Variants in VPS37A observed in about 807,000 individuals in gnomAD.
The protein encoded by VPS37A is vacuolar protein sorting-associated protein 37A.
Under a neutral mutation model 49.8 loss-of-function variants are expected in VPS37A, and 30 were observed. The ratio of observed to expected loss-of-function variants is 0.60; its 90% CI spans 0.45 to 0.82. VPS37A has a LOEUF of 0.82. Among genes scored for constraint, VPS37A ranks in the 40% least tolerant of loss-of-function variants. The pLI, the probability that VPS37A is intolerant of heterozygous loss-of-function variation, is 0.00. For synonymous variants in VPS37A, 195 were observed against 160.6 expected, an observed-to-expected ratio of 1.21 and a Z score of -1.62; for missense variants, 593 against 464.4, an observed-to-expected ratio of 1.28 and a Z score of -2.55.
the VPS37A span, among the ~76,000 whole-genome samples, chr8:17,329,964 A>G: frequency 1.4e-3 from 215 of 152,310 alleles, no homozygotes; most frequent in Middle Eastern, 0.014. Context: ...GATTTCTGCT[A>G]CAGAGGGGCA....
At chr8:17,303,582 CTCTCCCCAT>C (rs1414431819), downstream of VPS37A, among the ~76,000 whole-genome samples, 2 of 150,660 alleles carry the variant, frequency 1.3e-5, no homozygotes, top group African/African-American at 4.9e-5. Flanking sequence ...TGCCACCCTG[CTCTCCCCAT>C]TCTCCCCATA....
intron 11 of VPS37A, among the ~76,000 whole-genome samples, chr8:17,292,040 T>C (rs1816206068): frequency 6.6e-6 from 1 of 152,158 alleles, no homozygotes; most frequent in Admixed American, 6.5e-5. Flanking sequence ...TAATTTTCTG[T>C]CTCGTTGATC....
intron 3 of VPS37A, 66 bp from the exon 4 acceptor site, chr8:17,268,786 CATTA>C (rs1813710940): frequency 9.8e-7 from 1 of 1,021,518 alleles, no homozygotes; most frequent in South Asian, 1.4e-5. Flanking sequence ...TTTAGAGTGA[CATTA>C]TCCTAATGAG....
At chr8:17,249,349 C>A (rs775739352) in intron 1 of VPS37A, among the ~76,000 whole-genome samples, 1 of 152,098 alleles carries the variant, frequency 6.6e-6, no homozygotes, top group Non-Finnish European at 1.5e-5. Flanking sequence ...AGAAAGGATT[C>A]ATTTTATGTA....
the VPS37A span, among the ~76,000 whole-genome samples, chr8:17,329,402 T>C: frequency 4.6e-5 from 7 of 152,222 alleles, no homozygotes; most frequent in Non-Finnish European, 7.3e-5. Context: ...GCAAGCACCA[T>C]GTTCCCTTAT....
chr8:17,330,520 T>G, the VPS37A span, among the ~76,000 whole-genome samples: 3 of 152,274 alleles, frequency 2.0e-5, no homozygotes, highest in Admixed American at 1.3e-4. Flanking sequence ...GCAGAATTTC[T>G]GCTCATCAGC....
rs775663469 is a variant in VPS37A, at chr8:17,274,694, A to C, written c.417-39A>C. ...AGAAACAATTTGACATGTTTTATCC[A>C]TAAAATCTAATGTAATGATCTTCTC... is the stretch of plus-strand genomic sequence containing the variant. On this transcript the variant is annotated intron_variant, in intron 4 of 11. Transcript: ENST00000324849. 2.0e-6 allele frequency: 3 copies of C among 1,531,062 alleles called. No homozygotes were observed. In the Admixed American group the frequency reaches 5.2e-5, roughly 26 times the overall value. 94.8% of individuals were successfully genotyped at this position (1,531,062 alleles called of 1,614,324 possible).
intron 1 of VPS37A, among the ~76,000 whole-genome samples, chr8:17,249,439 G>T (rs778684272): frequency 8.5e-5 from 13 of 152,166 alleles, no homozygotes; most frequent in Non-Finnish European, 1.5e-4. Context: ...GTAGTGTTAT[G>T]AACAAATAAC....
chr8:17,287,634 C>T (rs1178939324), intron 11 of VPS37A, among the ~76,000 whole-genome samples: 3 of 151,846 alleles, frequency 2.0e-5, no homozygotes, highest in African/African-American at 4.8e-5. Flanking sequence ...GCCGAGATCA[C>T]GCCACTGCAC....
At chr8:17,310,639 A>G in the VPS37A span, among the ~76,000 whole-genome samples, 1 of 152,200 alleles carries the variant, frequency 6.6e-6, no homozygotes, top group Admixed American at 6.5e-5. Context: ...ATGCTATCAC[A>G]GGTAATTGGA....
chr8:17,319,019 T>C, the VPS37A span, among the ~76,000 whole-genome samples: 2 of 152,268 alleles, frequency 1.3e-5, no homozygotes, highest in Non-Finnish European at 2.9e-5. Context: ...CACATTAGCT[T>C]ACTCTGCCAT....
chr8:17,286,184 C>G (rs1377764095), intron 10 of VPS37A, among the ~76,000 whole-genome samples, 163 bp from the exon 11 acceptor site: 2 of 152,234 alleles, frequency 1.3e-5, no homozygotes, highest in Non-Finnish European at 2.9e-5. Flanking sequence ...AATGAATTTG[C>G]TCATAATTTG....
intron 1 of VPS37A, chr8:17,248,074 C>A (rs1208402531): frequency 2.5e-6 from 1 of 396,974 alleles, no homozygotes; most frequent in East Asian, 6.0e-5. Flanking sequence ...TTTTACAATT[C>A]ATATTATTTC....
At chr8:17,327,870 ACT>A in the VPS37A span, among the ~76,000 whole-genome samples, 33 of 152,258 alleles carry the variant, frequency 2.2e-4, no homozygotes, top group African/African-American at 3.9e-4. Context: ...CTTACTGTTT[ACT>A]CTTTTAAAAA....
intron 9 of VPS37A, 122 bp downstream of exon 9, chr8:17,280,565 A>G (rs906338771): frequency 1.2e-5 from 10 of 852,506 alleles, no homozygotes; most frequent in African/African-American, 1.7e-5. Context: ...CTTATAAGAC[A>G]TGATACCTTT....
intron 6 of VPS37A, chr8:17,279,689 C>T: frequency 2.4e-6 from 1 of 408,886 alleles, no homozygotes; most frequent in South Asian, 1.9e-5. Context: ...TTGTTCTTTA[C>T]CTGAGTTAAG....
the VPS37A span, among the ~76,000 whole-genome samples, chr8:17,315,640 G>C: frequency 7.2e-5 from 11 of 152,006 alleles, no homozygotes; most frequent in Admixed American, 7.2e-4. Context: ...AAAAGAAAAA[G>C]TCTTTAAAAA....
intron 4 of VPS37A, among the ~76,000 whole-genome samples, 186 bp from the exon 5 acceptor site, chr8:17,274,547 G>A (rs982201551): frequency 2.7e-5 from 4 of 147,060 alleles, no homozygotes; most frequent in Non-Finnish European, 6.0e-5. Context: ...TTTTCGGGGG[G>A]GTGGGGTCAT....
rs549644032 is a variant in VPS37A, at chr8:17,247,854, G to C, written c.125+485G>C. On this transcript the variant is annotated intron_variant, in intron 1 of 11. Transcript: ENST00000324849. ...TCATCAGTGAATGCTTCTCGTCTGA[G>C]AGTCACTTATCACGTAGTCAGTCTT... 4.4e-6 allele frequency: 3 copies of C among 679,316 alleles called. No homozygotes were observed. In the African/African-American group the frequency reaches 5.3e-5, roughly 12 times the overall value. The allele number at this position is 679,316 out of a possible 1,614,324, so 42.1% of individuals were successfully genotyped here. A position where few individuals can be genotyped will look rare whatever the true frequency, so the allele number is the denominator to read the frequency against.
Sources: allele counts gnomAD v4.1 joint callset (sites outside exome capture counted in the v4.1 genomes callset), GRCh38; gene constraint gnomAD v4.1.1; transcripts MANE v1.5; gene names NCBI Gene and HGNC (gene_info 2026-07-23, HGNC 2026-07-21).